MGAT5: variants seen among roughly 807,000 people sequenced by gnomAD.
MGAT5 encodes alpha-1,6-mannosylglycoprotein 6-beta-N-acetylglucosaminyltransferase A.
MGAT5 carries 30 observed loss-of-function variants against 94.3 expected under a neutral mutation model. That is an observed-to-expected ratio of 0.32 (90% CI 0.24 to 0.43). The LOEUF (loss-of-function observed/expected upper bound fraction) is 0.43, where lower values mean the gene tolerates loss of function less well. Among genes scored for constraint, MGAT5 ranks in the 20% least tolerant of loss-of-function variants. MGAT5 has a pLI of 1.00. For missense variants in MGAT5, 691 were observed against 905.5 expected, an observed-to-expected ratio of 0.76 and a Z score of 3.04; for synonymous variants, 310 against 322.9, an observed-to-expected ratio of 0.96 and a Z score of 0.43.
chr2:134,351,460 A>G (rs1679377878), intron 9 of MGAT5, among the ~76,000 whole-genome samples: 1 of 152,140 alleles, frequency 6.6e-6, no homozygotes, highest in Non-Finnish European at 1.5e-5. Flanking sequence ...TAGAGTTTCC[A>G]GGGAGTAGAG....
chr2:134,188,671 G>A (rs892442106), intron 1 of MGAT5, among the ~76,000 whole-genome samples: 3 of 152,110 alleles, frequency 2.0e-5, no homozygotes, highest in Non-Finnish European at 4.4e-5. Flanking sequence ...AAAAGGAGGT[G>A]GTGGGGGTGT....
intron 10 of MGAT5, among the ~76,000 whole-genome samples, chr2:134,371,387 G>T (rs1011272496): frequency 6.6e-6 from 1 of 152,172 alleles, no homozygotes; most frequent in East Asian, 1.9e-4. Context: ...GGGCATAAGG[G>T]TGGGAGGAAA....
In MGAT5 at chr2:134,215,369, TG is replaced by T. The variant is rs201647659; in HGVS notation, c.-142-38892del. 6.3e-3 allele frequency among the ~76,000 whole-genome samples: 952 copies of T among 152,306 alleles called. 9 individuals carry two copies. Among genetic ancestry groups the T allele is most frequent in the African/African-American group, 0.021 (882 of 41,546 alleles). The stretch of plus-strand genomic sequence containing the variant: ...AGCTTATAAAGAAAAGAGGTTTGTT[TG>T]TTTTTTTAGCTCACAGTTCTGGAGG... On this transcript the variant is annotated intron_variant, in intron 1 of 16. Transcript: ENST00000409645.
chr2:134,186,514 T>C (rs1337522122), intron 1 of MGAT5, among the ~76,000 whole-genome samples: 2 of 152,180 alleles, frequency 1.3e-5, no homozygotes, highest in Non-Finnish European at 2.9e-5. Flanking sequence ...TGCATACATG[T>C]TGGGTTGTCA....
chr2:134,373,641 C>T (rs1573948585), intron 10 of MGAT5, among the ~76,000 whole-genome samples: 2 of 152,168 alleles, frequency 1.3e-5, no homozygotes, highest in African/African-American at 4.8e-5. Context: ...TATACTGGTC[C>T]ATCCCAGACA....
intron 1 of MGAT5, among the ~76,000 whole-genome samples, chr2:134,153,426 T>C (rs909390069): frequency 4.6e-5 from 7 of 152,348 alleles, no homozygotes; most frequent in Non-Finnish European, 1.0e-4. Flanking sequence ...TTTTAATCCC[T>C]GTACCTCAGG....
chr2:134,190,780 G>T (rs973142719), intron 1 of MGAT5, among the ~76,000 whole-genome samples: 1 of 151,970 alleles, frequency 6.6e-6, no homozygotes, highest in African/African-American at 2.4e-5. Flanking sequence ...CGAGTAGCTA[G>T]GACTACAGGT....
intron 1 of MGAT5, among the ~76,000 whole-genome samples, chr2:134,201,663 G>A (rs544318649): frequency 9.4e-4 from 143 of 152,082 alleles, no homozygotes; most frequent in African/African-American, 3.4e-3. Flanking sequence ...GATCCTCCAC[G>A]GCAGTTGTTA....
chr2:134,120,916 C>T (rs1573691922), intron 1 of MGAT5, among the ~76,000 whole-genome samples: 1 of 152,100 alleles, frequency 6.6e-6, no homozygotes, highest in Admixed American at 6.5e-5. Flanking sequence ...CCCGCGGGTC[C>T]GTGATCCCGC....
Position 134,316,131 on chromosome 2 carries a change from A to T in MGAT5, c.407-1398A>T, listed in dbSNP as rs76618978. Among the ~76,000 whole-genome samples the T allele has an allele frequency of 7.9e-3, 1,197 of 152,304 alleles. 14 individuals are homozygous for T. The highest frequency in any genetic ancestry group is 0.028 in the African/African-American group (1,154 of 41,564). On this transcript the variant is annotated intron_variant, in intron 2 of 15. Coordinates refer to ENST00000281923, the MANE Select transcript of MGAT5 (RefSeq NM_002410.5). Reference sequence around the variant, plus strand: ...ATATAGTAGCTCTGAAAAGAGAAGCATATAGGTTTAGGGTTGTCTTGTTTT... The same window carrying T: ...ATATAGTAGCTCTGAAAAGAGAAGCTTATAGGTTTAGGGTTGTCTTGTTTT...
Position 134,441,842 on chromosome 2 carries a change from G to T in MGAT5, c.1954G>T (p.Val652Leu). 2 of 1,614,144 alleles carry T rather than the reference G, an allele frequency of 1.2e-6. No homozygotes were observed. The highest frequency in any genetic ancestry group is 1.7e-6 in the Non-Finnish European group (2 of 1,180,014). The change falls in exon 15 of 16, where the codon GTG (valine) becomes TTG (leucine). Residue 652 changes from valine to leucine, a missense_variant. By Grantham distance (32) the Val-to-Leu change is conservative. Transcript: ENST00000281923. ...LAEPGQSCKQ[V>L]CQESQLICEP... Reference sequence around the variant, plus strand: ...TGAGCCCGGGCAGTCCTGCAAGCAGGTGTGCCAGGAGAGCCAGCTCATCTG... The same window carrying T: ...TGAGCCCGGGCAGTCCTGCAAGCAGTTGTGCCAGGAGAGCCAGCTCATCTG...
intron 10 of MGAT5, among the ~76,000 whole-genome samples, chr2:134,383,708 A>AT (rs531981933): frequency 0.016 from 2,339 of 143,330 alleles, 54 homozygotes; most frequent in African/African-American, 0.049. Context: ...TGAGCTAAGC[A>AT]TTTTTTTTTT....
At chr2:134,304,781 G>A (rs1049374851) in intron 2 of MGAT5, among the ~76,000 whole-genome samples, 4 of 152,144 alleles carry the variant, frequency 2.6e-5, no homozygotes, top group Admixed American at 2.0e-4. Flanking sequence ...TTGCTATGTT[G>A]CCCAGGCTGG....
intron 1 of MGAT5, among the ~76,000 whole-genome samples, chr2:134,197,104 G>C (rs1400614568): frequency 6.6e-6 from 1 of 152,312 alleles, no homozygotes; most frequent in East Asian, 1.9e-4. Context: ...TGGATGGTAT[G>C]GGGGGTGGTC....
At chr2:134,287,746 A>G (rs1467607924) in intron 2 of MGAT5, among the ~76,000 whole-genome samples, 4 of 152,194 alleles carry the variant, frequency 2.6e-5, no homozygotes, top group Non-Finnish European at 4.4e-5. Context: ...TTGTGAATCT[A>G]GAGCCTTTTT....
At chr2:134,148,758 G>GT (rs1687038287) in intron 1 of MGAT5, among the ~76,000 whole-genome samples, 18 of 128,704 alleles carry the variant, frequency 1.4e-4, no homozygotes, top group African/African-American at 4.4e-4. Context: ...CTCTTTCTTA[G>GT]GTTTTTTTTT....
chr2:134,178,181 A>G (rs911282565), intron 1 of MGAT5, among the ~76,000 whole-genome samples: 1 of 152,188 alleles, frequency 6.6e-6, no homozygotes, highest in African/African-American at 2.4e-5. Context: ...AAACATCTAA[A>G]ACTAAAACTT....
At chr2:134,136,729 G>T (rs1217678877) in intron 1 of MGAT5, among the ~76,000 whole-genome samples, 1 of 152,136 alleles carries the variant, frequency 6.6e-6, no homozygotes, top group East Asian at 1.9e-4. Context: ...TTGCCAAGGG[G>T]TACAGTAGAA....
intron 2 of MGAT5, among the ~76,000 whole-genome samples, chr2:134,298,734 C>T (rs1685844321): frequency 6.6e-6 from 1 of 152,010 alleles, no homozygotes; most frequent in Non-Finnish European, 1.5e-5. Context: ...TACTTGAGAG[C>T]TTAGTCTAGG....
Sources: allele counts gnomAD v4.1 joint callset (sites outside exome capture counted in the v4.1 genomes callset), GRCh38; gene constraint gnomAD v4.1.1; transcripts MANE v1.5; gene names NCBI Gene and HGNC (gene_info 2026-07-23, HGNC 2026-07-21).